Variants in DNAJA1 observed in about 807,000 individuals in gnomAD.
DNAJA1 encodes DnaJ heat shock protein family (Hsp40) member A1.
DNAJA1 carries 26 observed loss-of-function variants against 47.6 expected under a neutral mutation model. The observed-to-expected ratio is 0.55, with a 90% confidence interval of 0.40 to 0.76. The LOEUF is 0.76. Among genes scored for constraint, DNAJA1 ranks in the 30% least tolerant of loss-of-function variants. DNAJA1 has a pLI of 0.00. For missense variants in DNAJA1, 315 were observed against 485.0 expected (o/e 0.65, Z 3.29); for synonymous variants, 165 against 158.4 (o/e 1.04, Z -0.31).
intron 6 of DNAJA1, among the ~76,000 whole-genome samples, chr9:33,035,384 A>C (rs1428972719): frequency 6.6e-6 from 1 of 151,846 alleles, no homozygotes; most frequent in Non-Finnish European, 1.5e-5. Flanking sequence ...CTAATATTTT[A>C]CAAATGTCTG....
chr9:33,028,721 G>A (rs950977467), intron 3 of DNAJA1, among the ~76,000 whole-genome samples: 1 of 152,150 alleles, frequency 6.6e-6, no homozygotes. Context: ...ATATTGAGAG[G>A]TTATTTCTGG....
intron 5 of DNAJA1, among the ~76,000 whole-genome samples, chr9:33,032,963 A>G (rs1418836410): frequency 1.3e-5 from 2 of 152,148 alleles, no homozygotes; most frequent in African/African-American, 4.8e-5. Context: ...CAGGATTAAT[A>G]TTTTCCATAC....
At chr9:33,031,190 G>A (rs965754250) in intron 5 of DNAJA1, among the ~76,000 whole-genome samples, 2 of 152,154 alleles carry the variant, frequency 1.3e-5, no homozygotes, top group African/African-American at 2.4e-5. Context: ...TCTGCCTCCC[G>A]GGTTCAAGCA....
intron 5 of DNAJA1, among the ~76,000 whole-genome samples, chr9:33,033,279 G>GT (rs140437559): frequency 6.6e-6 from 1 of 151,934 alleles, no homozygotes; most frequent in Non-Finnish European, 1.5e-5. Flanking sequence ...TTGTTTGCTT[G>GT]TTTAATTTAA....
intron 5 of DNAJA1, among the ~76,000 whole-genome samples, chr9:33,033,254 C>T (rs1838987810): frequency 6.6e-6 from 1 of 151,528 alleles, no homozygotes; most frequent in East Asian, 1.9e-4. Flanking sequence ...AAGGGAGTGT[C>T]TAGCACTGAT....
chr9:33,034,176 G>A (rs1839001557), intron 5 of DNAJA1, 40 bp from the exon 6 acceptor site: 2 of 1,365,620 alleles, frequency 1.5e-6, no homozygotes, highest in Non-Finnish European at 2.0e-6. Context: ...ACCTTAGTTG[G>A]ATATTTAATA....
chr9:33,032,283 C>T (rs762431420), intron 5 of DNAJA1, among the ~76,000 whole-genome samples: 1 of 152,230 alleles, frequency 6.6e-6, no homozygotes, highest in East Asian at 1.9e-4. Context: ...AATAAGTTTC[C>T]TTGGCCAGTT....
At position 33,039,043 on chromosome 9, in the gene DNAJA1, G is replaced by A. The variant is rs114496815; in HGVS notation, c.*140G>A. 441 of 817,096 alleles carry A rather than the reference G, an allele frequency of 5.4e-4. 1 individual carries two copies. The African/African-American group carries it at 6.5e-3, about 12-fold the overall frequency. The allele number at this position is 817,096 out of a possible 1,614,324, so 50.6% of individuals were successfully genotyped here. A position where few individuals can be genotyped will look rare whatever the true frequency, so the allele number is the denominator to read the frequency against. ...GTAGTGTTTTAAAAAGTTAAATGAAGAATAAACGCAAATATAAAAGCTCTG... is the reference window on the plus strand; with the variant it reads ...GTAGTGTTTTAAAAAGTTAAATGAAAAATAAACGCAAATATAAAAGCTCTG... On this transcript the variant is annotated 3_prime_UTR_variant, in exon 9 of 9. Transcript: ENST00000330899.
At chr9:33,034,945 G>A (rs1053979514) in intron 6 of DNAJA1, among the ~76,000 whole-genome samples, 4 of 151,992 alleles carry the variant, frequency 2.6e-5, no homozygotes. Context: ...CTAGCTACTG[G>A]GGAGGCTGAG....
intron 3 of DNAJA1, among the ~76,000 whole-genome samples, chr9:33,028,342 G>A (rs1838907872): frequency 6.6e-6 from 1 of 152,144 alleles, no homozygotes; most frequent in Non-Finnish European, 1.5e-5. Context: ...TAGAAATACT[G>A]CTTATAGGAG....
intron 1 of DNAJA1, 70 bp from the exon 2 acceptor site, chr9:33,026,405 G>T: frequency 6.6e-7 from 1 of 1,513,290 alleles, no homozygotes; most frequent in African/African-American, 1.4e-5. Flanking sequence ...GAGATTGCTC[G>T]GCCTTAGCTC....
At chr9:33,031,405 A>G (rs7850834) in intron 5 of DNAJA1, among the ~76,000 whole-genome samples, 5,611 of 151,850 alleles carry the variant, frequency 0.037, 307 homozygotes, top group African/African-American at 0.13. Context: ...CCTCATGTTT[A>G]TTTTTTAAAC....
At position 33,026,846 on chromosome 9, in the gene DNAJA1, T is replaced by G. The variant is rs1271576027; in HGVS notation, c.166T>G (p.Ser56Ala). 2.5e-6 allele frequency: 4 copies of G among 1,614,100 alleles called. No homozygotes were observed. Among genetic ancestry groups the G allele is most frequent in the Non-Finnish European group, 3.4e-6 (4 of 1,180,000 alleles). ...GATTTCTCAAGCTTACGAAGTTCTC[T>G]CTGATGCAAAGAAAAGGGAATTATA... ...KQISQAYEVL[S>A]DAKKRELYDK... The change falls in exon 3 of 9, where the codon TCT becomes GCT. Residue 56 changes from serine to alanine, a missense_variant. Physicochemically the swap from Ser to Ala is moderately conservative, Grantham distance 99 (BLOSUM62 1). This residue lies in a region of DNAJA1 where 100 missense variants were observed against 163.0 expected (regional missense o/e 0.61). Transcript: ENST00000330899.
chr9:33,036,639 A>G lies in DNAJA1; in HGVS notation c.824A>G (p.Lys275Arg), dbSNP rs867075936. The G allele has an allele frequency of 1.2e-6, 2 of 1,614,116 alleles. No homozygotes were observed. The highest frequency in any genetic ancestry group is 3.3e-4 in the Middle Eastern group (2 of 6,062). ...GTTGAAGCACTGTGTGGCTTCCAGAAGCCAATATCTACTCTTGACAACCGA... is the reference window on the plus strand; with the variant it reads ...GTTGAAGCACTGTGTGGCTTCCAGAGGCCAATATCTACTCTTGACAACCGA... ...QLVEALCGFQKPISTLDNRTI... is the reference protein window; with the variant it reads ...QLVEALCGFQRPISTLDNRTI... Residue 275 changes from lysine (K) to arginine (R), a missense_variant, in exon 7 of 9, where the codon AAG becomes AGG. Around this residue, in one of 4 missense-constraint regions of DNAJA1, gnomAD observed 162 missense variants for 185.4 expected, o/e 0.87. Coordinates refer to ENST00000330899, the MANE Select transcript of DNAJA1 (RefSeq NM_001539.4).
At chr9:33,027,760 G>C (rs532340192) in intron 3 of DNAJA1, among the ~76,000 whole-genome samples, 1 of 152,142 alleles carries the variant, frequency 6.6e-6, no homozygotes, top group South Asian at 2.1e-4. Context: ...TGAGGCAGGA[G>C]AATCGCTTGA....
chr9:33,034,482 T>C (rs10971352), intron 6 of DNAJA1, 152 bp downstream of exon 6: 48,869 of 610,422 alleles, frequency 0.08, 2,515 homozygotes, highest in Non-Finnish European at 0.1. Flanking sequence ...TCATAAGAGG[T>C]TGAATACATA....
At chr9:33,030,938 T>C (rs1299480637) in intron 5 of DNAJA1, among the ~76,000 whole-genome samples, 1 of 152,254 alleles carries the variant, frequency 6.6e-6, no homozygotes, top group Non-Finnish European at 1.5e-5. Flanking sequence ...GATTGAATAG[T>C]GTTCCAAACT....
At chr9:33,034,086 ACT>A (rs1301830761) in intron 5 of DNAJA1, 128 bp from the exon 6 acceptor site, 3 of 594,102 alleles carry the variant, frequency 5.0e-6, no homozygotes, top group African/African-American at 3.9e-5. Flanking sequence ...ATTGGACTGA[ACT>A]ACTTAAGTGG....
intron 2 of DNAJA1, 29 bp from the exon 3 acceptor site, chr9:33,026,784 A>G (rs1021434328): frequency 3.7e-6 from 6 of 1,600,976 alleles, no homozygotes; most frequent in Non-Finnish European, 5.1e-6. Context: ...TTTTTAAAAA[A>G]TGAAATTCAC....
Sources: gnomAD v4.1 joint callset for allele counts (sites outside exome capture counted in the v4.1 genomes callset) on GRCh38, gnomAD v4.1.1 for gene constraint, gnomAD v4.1.1 regional missense constraint, MANE v1.5 for transcripts, NCBI Gene and HGNC (gene_info 2026-07-23, HGNC 2026-07-21) for gene names.